The following NRXN1 variants were observed in gnomAD, a reference collection of about 807,000 sequenced individuals.
The protein encoded by NRXN1 is neurexin-1.
NRXN1 carries 39 observed loss-of-function variants against 150.9 expected under a neutral mutation model. The ratio of observed to expected loss-of-function variants is 0.26; its 90% CI spans 0.20 to 0.34. The LOEUF is 0.34. Ranked by LOEUF, NRXN1 falls within the 10% of genes least tolerant of loss-of-function variation. The pLI is 1.00. For missense variants in NRXN1, 1,815 were observed against 1,949.9 expected, an observed-to-expected ratio of 0.93 and a Z score of 1.30; for synonymous variants, 924 against 757.0, an observed-to-expected ratio of 1.22 and a Z score of -3.62.
intron 18 of NRXN1, among the ~76,000 whole-genome samples, chr2:50,180,245 G>C (rs2060621515): frequency 6.6e-6 from 1 of 151,964 alleles, no homozygotes; most frequent in African/African-American, 2.4e-5. Context: ...GGCTGGTCTT[G>C]AACTCCTGAC....
intron 18 of NRXN1, among the ~76,000 whole-genome samples, chr2:50,234,943 C>T (rs1417511314): frequency 6.6e-6 from 1 of 151,954 alleles, no homozygotes; most frequent in African/African-American, 2.4e-5. Flanking sequence ...CCTAAGACCA[C>T]ATTTGACCAG....
chr2:50,239,320 C>G (rs1473972051), intron 17 of NRXN1, among the ~76,000 whole-genome samples: 1 of 151,100 alleles, frequency 6.6e-6, no homozygotes, highest in Non-Finnish European at 1.5e-5. Flanking sequence ...TGGCTTTGTT[C>G]TCTAATGACT....
intron 5 of NRXN1, among the ~76,000 whole-genome samples, chr2:50,664,355 T>C (rs919513668): frequency 6.7e-6 from 1 of 149,778 alleles, no homozygotes; most frequent in Non-Finnish European, 1.5e-5. Flanking sequence ...ATCCCAAATC[T>C]CTAACTTAAA....
chr2:50,206,003 T>A (rs2152838526), intron 18 of NRXN1, among the ~76,000 whole-genome samples: 1 of 152,152 alleles, frequency 6.6e-6, no homozygotes, highest in Non-Finnish European at 1.5e-5. Flanking sequence ...TGGTGATGGT[T>A]GCACAACTCC....
rs112533654 is a variant in NRXN1 at position 50,134,966 on chromosome 2, C to T, written c.3547-43472G>A. Among the ~76,000 whole-genome samples the T allele has an allele frequency of 2.8e-4, 42 of 152,304 alleles. 1 individual carries two copies. The highest frequency in any genetic ancestry group is 9.6e-4 in the African/African-American group (40 of 41,566). ...AGACAGATAGCAGTTCACCCCTCCA[C>T]TGCCTCTTTCTTGTTCTCCCCCAAC... On this transcript the variant is annotated intron_variant, in intron 18 of 22. Transcript: ENST00000401669.
intron 17 of NRXN1, among the ~76,000 whole-genome samples, chr2:50,271,684 C>T (rs1163203522): frequency 6.6e-6 from 1 of 152,022 alleles, no homozygotes; most frequent in Non-Finnish European, 1.5e-5. Flanking sequence ...AACTGAGAAA[C>T]CTATTCATAA....
At chr2:50,981,358 T>G (rs926290600) in intron 2 of NRXN1, among the ~76,000 whole-genome samples, 3 of 143,652 alleles carry the variant, frequency 2.1e-5, no homozygotes, top group African/African-American at 7.9e-5. Flanking sequence ...CTCAGGAGGC[T>G]GAGGCAGGAG....
chr2:50,075,924 GCTGTCTAACTCTACA>G (rs1431065189), intron 19 of NRXN1, among the ~76,000 whole-genome samples: 1 of 152,184 alleles, frequency 6.6e-6, no homozygotes, highest in East Asian at 1.9e-4. Flanking sequence ...CAGCACCCGA[GCTGTCTAACTCTACA>G]CAGTGCCCTG....
intron 8 of NRXN1, among the ~76,000 whole-genome samples, chr2:50,594,985 T>C (rs146478385): frequency 6.7e-6 from 1 of 150,368 alleles, no homozygotes; most frequent in African/African-American, 2.4e-5. Context: ...TGAATAAGAG[T>C]TGACCTCTCT....
chr2:50,965,340 G>GA, intron 2 of NRXN1, among the ~76,000 whole-genome samples: 1 of 150,680 alleles, frequency 6.6e-6, no homozygotes, highest in Middle Eastern at 3.4e-3. Flanking sequence ...TTAATATTTA[G>GA]AAAAATAACA....
chr2:50,901,485 C>T (rs1267619997), intron 5 of NRXN1, among the ~76,000 whole-genome samples: 2 of 151,974 alleles, frequency 1.3e-5, no homozygotes, highest in African/African-American at 4.8e-5. Context: ...TGCAGTGAGC[C>T]GAGATTGCGC....
At chr2:50,656,404 A>G (rs771805820) in intron 5 of NRXN1, 4 of 776,500 alleles carry the variant, frequency 5.2e-6, no homozygotes, top group Middle Eastern at 2.3e-4. Context: ...TGGTCTGAAG[A>G]AGTCACAAAT....
intron 17 of NRXN1, among the ~76,000 whole-genome samples, chr2:50,447,762 T>TATATATAC (rs2086581872): frequency 8.9e-6 from 1 of 112,954 alleles, no homozygotes; most frequent in Admixed American, 8.4e-5. Context: ...TATATATATA[T>TATATATAC]ATATATATAT....
At chr2:50,153,480 GT>G (rs2058820495) in intron 18 of NRXN1, among the ~76,000 whole-genome samples, 1 of 151,364 alleles carries the variant, frequency 6.6e-6, no homozygotes, top group Admixed American at 6.6e-5. Flanking sequence ...AAGGATTGCT[GT>G]TTTTTGGTTT....
chr2:50,118,736 T>C (rs1703431258), intron 18 of NRXN1, among the ~76,000 whole-genome samples: 1 of 152,146 alleles, frequency 6.6e-6, no homozygotes, highest in Non-Finnish European at 1.5e-5. Flanking sequence ...CCTATGGACT[T>C]AGTGGCAATT....
At chr2:50,772,582 T>A (rs1242077580) in intron 5 of NRXN1, among the ~76,000 whole-genome samples, 1 of 152,078 alleles carries the variant, frequency 6.6e-6, no homozygotes, top group Non-Finnish European at 1.5e-5. Flanking sequence ...GCCACTTATA[T>A]AAATGCTTGT....
chr2:50,344,972 C>A (rs1181782781), intron 17 of NRXN1, among the ~76,000 whole-genome samples: 4 of 152,242 alleles, frequency 2.6e-5, no homozygotes, highest in African/African-American at 9.6e-5. Flanking sequence ...TCACACAATT[C>A]TGCACAAAGG....
intron 18 of NRXN1, among the ~76,000 whole-genome samples, chr2:50,222,893 G>A (rs1056055657): frequency 4.0e-5 from 6 of 151,810 alleles, no homozygotes; most frequent in Admixed American, 2.0e-4. Flanking sequence ...TAGAGTTTTA[G>A]ACACCACAGT....
chr2:50,546,300 T>C (rs1027035715), intron 9 of NRXN1, among the ~76,000 whole-genome samples: 4 of 152,148 alleles, frequency 2.6e-5, no homozygotes, highest in South Asian at 4.1e-4. Flanking sequence ...AGTTGTCAAG[T>C]TCGCTAAGCA....
Sources: gnomAD v4.1 joint callset for allele counts (sites outside exome capture counted in the v4.1 genomes callset) on GRCh38, gnomAD v4.1.1 for gene constraint, MANE v1.5 for transcripts, NCBI Gene and HGNC (gene_info 2026-07-23, HGNC 2026-07-21) for gene names.